The following CDH13 variants were observed in gnomAD, a reference collection of about 807,000 sequenced individuals.
The protein encoded by CDH13 is cadherin 13, also known as cadherin-13.
Under a neutral mutation model 63.8 loss-of-function variants are expected in CDH13, and 24 were observed. That is an observed-to-expected ratio of 0.38 (90% CI 0.27 to 0.53). CDH13 has a LOEUF of 0.53. Among genes scored for constraint, CDH13 ranks in the 20% least tolerant of loss-of-function variants. The pLI, the probability that CDH13 is intolerant of heterozygous loss-of-function variation, is 0.85. For missense variants in CDH13, 1,049 were observed against 903.1 expected, an observed-to-expected ratio of 1.16 and a Z score of -2.07; for synonymous variants, 503 against 355.3, an observed-to-expected ratio of 1.42 and a Z score of -4.67.
chr16:83,674,930 A>G (rs987341626), intron 9 of CDH13, among the ~76,000 whole-genome samples: 1 of 152,224 alleles, frequency 6.6e-6, no homozygotes, highest in African/African-American at 2.4e-5. Context: ...CAAACCTTTC[A>G]CAGGCCTAAA....
At chr16:82,986,597 T>C (rs982448600) in intron 2 of CDH13, among the ~76,000 whole-genome samples, 3 of 152,310 alleles carry the variant, frequency 2.0e-5, no homozygotes, top group African/African-American at 7.2e-5. Context: ...TCTAGACTAT[T>C]GGTTGAGCTA....
chr16:83,531,155 C>T (rs1025658316), intron 7 of CDH13, among the ~76,000 whole-genome samples: 3 of 152,162 alleles, frequency 2.0e-5, no homozygotes, highest in African/African-American at 7.2e-5. Context: ...CTGGGTAACA[C>T]CTATGTTAAA....
intron 6 of CDH13, among the ~76,000 whole-genome samples, chr16:83,439,904 A>G (rs1030588928): frequency 1.8e-4 from 28 of 152,288 alleles, no homozygotes; most frequent in African/African-American, 6.7e-4. Context: ...TCCAAATTCT[A>G]TGTAAAAAAT....
In CDH13 at chr16:83,218,014, G is replaced by A. The variant is rs2039591280; in HGVS notation, c.636+517G>A. Among the ~76,000 whole-genome samples, 5 of 152,172 alleles carry A rather than the reference G, an allele frequency of 3.3e-5. No individual in the cohort carries two copies. The South Asian group carries it at 8.3e-4, about 25-fold the overall frequency. ...ATGGGAGAGATTCAAGATATTGAATGAAAACAACATACAGACACATATGGT... is the reference window on the plus strand; with the variant it reads ...ATGGGAGAGATTCAAGATATTGAATAAAAACAACATACAGACACATATGGT... On this transcript the variant is annotated intron_variant, in intron 5 of 13. Transcript: ENST00000567109.
At chr16:83,068,612 C>G (rs1250250682) in intron 3 of CDH13, among the ~76,000 whole-genome samples, 1 of 152,142 alleles carries the variant, frequency 6.6e-6, no homozygotes, top group Admixed American at 6.5e-5. Context: ...TCCCAATAAG[C>G]CTTTGCCATC....
chr16:83,750,321 G>A (rs531391308), intron 11 of CDH13, among the ~76,000 whole-genome samples: 8 of 152,234 alleles, frequency 5.3e-5, no homozygotes, highest in Non-Finnish European at 7.4e-5. Flanking sequence ...AATAGCTCAC[G>A]TTCAGTTTTG....
chr16:83,765,781 CT>C (rs35694677), intron 11 of CDH13, among the ~76,000 whole-genome samples: 24 of 148,150 alleles, frequency 1.6e-4, no homozygotes, highest in African/African-American at 2.7e-4. Flanking sequence ...TTACAGCTTT[CT>C]TTTTTTTTTT....
At chr16:83,141,960 AC>A (rs988459232) in intron 4 of CDH13, among the ~76,000 whole-genome samples, 2 of 152,002 alleles carry the variant, frequency 1.3e-5, no homozygotes, top group African/African-American at 4.8e-5. Flanking sequence ...ACACTGCAGG[AC>A]CCACCCAGTC....
intron 2 of CDH13, among the ~76,000 whole-genome samples, chr16:82,918,414 G>A (rs2042056625): frequency 6.6e-6 from 1 of 152,034 alleles, no homozygotes; most frequent in Non-Finnish European, 1.5e-5. Context: ...GATGGGCAGG[G>A]CCAGCATGGT....
At chr16:83,370,381 C>T (rs2091343397) in intron 6 of CDH13, among the ~76,000 whole-genome samples, 1 of 144,884 alleles carries the variant, frequency 6.9e-6, no homozygotes, top group Non-Finnish European at 1.5e-5. Context: ...CAGCGAGACT[C>T]CATTTCAAAA....
intron 7 of CDH13, among the ~76,000 whole-genome samples, chr16:83,497,935 G>C (rs947459950): frequency 1.3e-5 from 2 of 152,200 alleles, no homozygotes; most frequent in Non-Finnish European, 2.9e-5. Context: ...CATGGGTGAT[G>C]GGTCTGATTT....
chr16:83,588,707 T>G (rs747802529), intron 7 of CDH13, among the ~76,000 whole-genome samples: 8 of 152,246 alleles, frequency 5.3e-5, no homozygotes, highest in Non-Finnish European at 1.2e-4. Flanking sequence ...GACATTCATC[T>G]TCCCACTAGA....
Position 83,120,763 on chromosome 16 carries a change from C to CTTTTTTTT in CDH13, c.367-4613_367-4606dup, listed in dbSNP as rs750711823. On this transcript the variant is annotated intron_variant, in intron 3 of 13. Coordinates refer to ENST00000567109, the MANE Select transcript of CDH13 (RefSeq NM_001257.5). ...AATACAACGCGCTCTAATTTTCTTT[C>CTTTTTTTT]TTTTTTTTTTTTTTTTCTGAGATGG... 2.6e-3 allele frequency among the ~76,000 whole-genome samples: 155 copies of CTTTTTTTT among 60,200 alleles called. 21 individuals are homozygous for CTTTTTTTT. The highest frequency in any genetic ancestry group is 6.6e-3 in the African/African-American group (137 of 20,654). 39.5% of individuals were successfully genotyped at this position (60,200 alleles called of 152,430 possible).
intron 7 of CDH13, among the ~76,000 whole-genome samples, chr16:83,587,486 C>T (rs1906282608): frequency 6.6e-6 from 1 of 152,170 alleles, no homozygotes; most frequent in South Asian, 2.1e-4. Flanking sequence ...CAGTATGTAA[C>T]TGTGTGGAGC....
At chr16:83,166,088 G>A (rs535042381) in intron 4 of CDH13, among the ~76,000 whole-genome samples, 5 of 152,256 alleles carry the variant, frequency 3.3e-5, no homozygotes, top group African/African-American at 1.2e-4. Flanking sequence ...ATTAGCAGCA[G>A]GCAGTGATGC....
intron 1 of CDH13, among the ~76,000 whole-genome samples, chr16:82,695,169 G>C (rs962407337): frequency 6.6e-6 from 1 of 152,166 alleles, no homozygotes; most frequent in Admixed American, 6.5e-5. Flanking sequence ...GACCCTGGGG[G>C]CCTTGTCAAC....
At chr16:82,684,522 G>A (rs865808384) in intron 1 of CDH13, among the ~76,000 whole-genome samples, 3 of 152,100 alleles carry the variant, frequency 2.0e-5, no homozygotes, top group African/African-American at 7.2e-5. Context: ...GTTATGTCAT[G>A]CATACCACAG....
At chr16:82,894,197 C>T (rs2041173186) in intron 2 of CDH13, among the ~76,000 whole-genome samples, 1 of 152,132 alleles carries the variant, frequency 6.6e-6, no homozygotes, top group South Asian at 2.1e-4. Flanking sequence ...TCAAGCAATC[C>T]ACCTGTCTTG....
intron 2 of CDH13, among the ~76,000 whole-genome samples, chr16:82,956,139 G>A (rs374292806): frequency 6.0e-5 from 9 of 151,074 alleles, no homozygotes; most frequent in African/African-American, 1.9e-4. Flanking sequence ...CAAATCAAGG[G>A]TGCTACTCAC....
Sources: gnomAD v4.1 joint callset for allele counts (sites outside exome capture counted in the v4.1 genomes callset) on GRCh38, gnomAD v4.1.1 for gene constraint, MANE v1.5 for transcripts, NCBI Gene and HGNC (gene_info 2026-07-23, HGNC 2026-07-21) for gene names.